The following KLHL3 variants were observed in gnomAD, a reference collection of about 807,000 sequenced individuals.
KLHL3 encodes kelch like family member 3.
In KLHL3, 19 loss-of-function variants were observed where a neutral mutation model predicts 70.5. That is an observed-to-expected ratio of 0.27 (90% confidence interval 0.19 to 0.40). KLHL3 has a LOEUF of 0.40. KLHL3 is among the 10% of genes least tolerant of loss of function. KLHL3 has a pLI of 1.00. For synonymous variants in KLHL3, 258 were observed against 290.3 expected (o/e 0.89, Z 1.13); for missense variants, 512 against 771.1 (o/e 0.66, Z 3.98).
chr5:137,655,119 A>G (rs1201257768), intron 8 of KLHL3, among the ~76,000 whole-genome samples: 1 of 152,208 alleles, frequency 6.6e-6, no homozygotes, highest in Non-Finnish European at 1.5e-5. Flanking sequence ...CATTCTTCTG[A>G]TATCATAGAG....
chr5:137,674,967 A>G (rs1739977753), intron 6 of KLHL3, among the ~76,000 whole-genome samples: 1 of 152,260 alleles, frequency 6.6e-6, no homozygotes, highest in Non-Finnish European at 1.5e-5. Context: ...ATGATCAATT[A>G]TGGAGAAATA....
At chr5:137,672,144 C>T (rs915063290) in intron 6 of KLHL3, among the ~76,000 whole-genome samples, 3 of 152,222 alleles carry the variant, frequency 2.0e-5, no homozygotes, top group Non-Finnish European at 4.4e-5. Flanking sequence ...AGCTGAGAAG[C>T]TGGCAACTCT....
chr5:137,683,096 C>A (rs1480734269), intron 5 of KLHL3, among the ~76,000 whole-genome samples: 1 of 152,142 alleles, frequency 6.6e-6, no homozygotes, highest in Non-Finnish European at 1.5e-5. Context: ...CCAGAGAAAG[C>A]CCTTGCCTGG....
At chr5:137,692,781 T>C (rs1752353689) in intron 4 of KLHL3, 3 of 264,868 alleles carry the variant, frequency 1.1e-5, no homozygotes, top group Non-Finnish European at 2.2e-5. Context: ...ATGCTTGCAG[T>C]TGCTGGTCCA....
In KLHL3 at chr5:137,671,920, A is replaced by G. The variant is rs560838746; in HGVS notation, c.636+5625T>C. On this transcript the variant is annotated intron_variant, in intron 6 of 14. Transcript: ENST00000309755. ...GTTTAGTTGTATACTTGATTTGTTT[A>G]CTTCTCCATGAACTTACTTCAATAC... The G allele has an allele frequency of 9.9e-5, 15 of 152,212 alleles. No homozygotes were observed. In the East Asian group the frequency reaches 2.5e-3, roughly 25 times the overall value. The allele number at this position is 152,212 out of a possible 1,614,324, so 9.4% of individuals were successfully genotyped here.
chr5:137,700,213 C>A (rs1752538755), intron 3 of KLHL3, among the ~76,000 whole-genome samples: 1 of 152,220 alleles, frequency 6.6e-6, no homozygotes, highest in Non-Finnish European at 1.5e-5. Context: ...TATTGAGACA[C>A]ACAAACAAAA....
intron 3 of KLHL3, among the ~76,000 whole-genome samples, chr5:137,701,455 A>G (rs140024329): frequency 2.0e-3 from 308 of 152,324 alleles, no homozygotes; most frequent in Middle Eastern, 6.8e-3. Flanking sequence ...ACATCCCTCA[A>G]TAAAATCTCA....
intron 2 of KLHL3, among the ~76,000 whole-genome samples, chr5:137,720,224 C>T (rs1286629844): frequency 2.6e-5 from 4 of 151,582 alleles, no homozygotes; most frequent in African/African-American, 7.3e-5. Context: ...CACTTGAACC[C>T]GGGAGGTGGA....
At chr5:137,627,680 A>G (rs1407478794) in intron 13 of KLHL3, among the ~76,000 whole-genome samples, 3 of 152,334 alleles carry the variant, frequency 2.0e-5, no homozygotes, top group Non-Finnish European at 4.4e-5. Context: ...GCAAAGCTCA[A>G]AAAGGAAATA....
At chr5:137,678,504 C>A (rs1561602590) in intron 5 of KLHL3, among the ~76,000 whole-genome samples, 1 of 152,116 alleles carries the variant, frequency 6.6e-6, no homozygotes, top group Non-Finnish European at 1.5e-5. Context: ...TGTTTTTGGG[C>A]CAATGGCATC....
chr5:137,679,530 GT>G (rs199571367), intron 5 of KLHL3, among the ~76,000 whole-genome samples: 1,954 of 152,304 alleles, frequency 0.013, 23 homozygotes, highest in Non-Finnish European at 0.018. Flanking sequence ...ATTCTATGCT[GT>G]GAAATAAAAA....
chr5:137,710,677 C>T (rs975779086), intron 2 of KLHL3, among the ~76,000 whole-genome samples: 3 of 152,116 alleles, frequency 2.0e-5, no homozygotes, highest in Admixed American at 2.0e-4. Flanking sequence ...CCCATCAACC[C>T]AAGAATTTTT....
intron 4 of KLHL3, 101 bp downstream of exon 4, chr5:137,698,186 A>G (rs1312377475): frequency 2.0e-6 from 3 of 1,472,348 alleles, no homozygotes; most frequent in Non-Finnish European, 2.8e-6. Flanking sequence ...TTTCCTCTTC[A>G]GTAACCAACT....
chr5:137,648,989 TAAAATTA>T (rs1280514486), intron 8 of KLHL3, among the ~76,000 whole-genome samples: 1 of 152,234 alleles, frequency 6.6e-6, no homozygotes, highest in East Asian at 1.9e-4. Context: ...AGAGACTTCT[TAAAATTA>T]AAAGTCCCCA....
At chr5:137,711,526 C>T (rs1217829377) in intron 2 of KLHL3, among the ~76,000 whole-genome samples, 2 of 152,186 alleles carry the variant, frequency 1.3e-5, no homozygotes, top group Non-Finnish European at 2.9e-5. Context: ...GTTAAGGAGG[C>T]TTCCTGGAAG....
rs570858091 is a variant in KLHL3, at chr5:137,653,496, T to C, written c.903+4635A>G. ...GAAATATGGGTGGCAAATAGGCACA[T>C]GAGAAAATCTCAACAGCACAGTGAT... is the stretch of plus-strand genomic sequence containing the variant. On this transcript the variant is annotated intron_variant, in intron 8 of 14. Coordinates refer to ENST00000309755, the MANE Select transcript of KLHL3 (RefSeq NM_017415.3). 1.3e-3 allele frequency among the ~76,000 whole-genome samples: 201 copies of C among 152,278 alleles called. 1 individual carries two copies. Among genetic ancestry groups the C allele is most frequent in the African/African-American group, 4.6e-3 (192 of 41,548 alleles).
intron 10 of KLHL3, among the ~76,000 whole-genome samples, chr5:137,637,787 C>T (rs773700889): frequency 1.3e-5 from 2 of 152,232 alleles, no homozygotes; most frequent in Non-Finnish European, 2.9e-5. Flanking sequence ...TAAACACTTG[C>T]TTCCCAAGAC....
At chr5:137,669,443 G>A (rs1751695625) in intron 6 of KLHL3, among the ~76,000 whole-genome samples, 1 of 152,166 alleles carries the variant, frequency 6.6e-6, no homozygotes, top group South Asian at 2.1e-4. Flanking sequence ...TCCTACAGCA[G>A]CACACTGCCA....
chr5:137,694,562 T>C (rs562752833), intron 4 of KLHL3, among the ~76,000 whole-genome samples: 72 of 152,258 alleles, frequency 4.7e-4, no homozygotes, highest in African/African-American at 1.7e-3. Flanking sequence ...GCTAGTCAAA[T>C]GGGGATCCAT....
Sources: allele counts gnomAD v4.1 joint callset (sites outside exome capture counted in the v4.1 genomes callset), GRCh38; gene constraint gnomAD v4.1.1; transcripts MANE v1.5; gene names NCBI Gene and HGNC (gene_info 2026-07-23, HGNC 2026-07-21).